KIAA1549L: variants seen among roughly 807,000 people sequenced by gnomAD.
KIAA1549L encodes KIAA1549 like.
Under a neutral mutation model 160.7 loss-of-function variants are expected in KIAA1549L, and 88 were observed. The ratio of observed to expected loss-of-function variants is 0.55; its 90% CI spans 0.46 to 0.65. KIAA1549L has a LOEUF of 0.65. Ranked by LOEUF, KIAA1549L falls within the 30% of genes least tolerant of loss-of-function variation. The pLI is 0.00. For synonymous variants in KIAA1549L, 950 were observed against 976.7 expected (o/e 0.97, Z 0.51); for missense variants, 2,258 against 2,437.5 (o/e 0.93, Z 1.55).
At position 33,583,440 on chromosome 11, in the gene KIAA1549L, G is replaced by T; in HGVS notation, c.4505G>T (p.Cys1502Phe). The T allele has an allele frequency of 6.3e-7, 1 of 1,592,376 alleles. No homozygotes were observed. Among genetic ancestry groups the T allele is most frequent in the African/African-American group, 1.3e-5 (1 of 74,714 alleles). The change falls in exon 11 of 21, where the codon TGC (cysteine) becomes TTC (phenylalanine). Residue 1502 changes from cysteine to phenylalanine, a missense_variant. Physicochemically the swap from Cys to Phe is radical, Grantham distance 205 (BLOSUM62 -2). Coordinates refer to ENST00000658780, the MANE Select transcript of KIAA1549L (RefSeq NM_012194.3). ...ATCATCATCATCACTGCCGTGCTCT[G>T]CAGGAAGAACAAGAACGACTTCAAG... ...VIIIIITAVLCRKNKNDFKPD... is the reference protein window; with the variant it reads ...VIIIIITAVLFRKNKNDFKPD...
intron 1 of KIAA1549L, among the ~76,000 whole-genome samples, chr11:33,434,762 T>C (rs1251705273): frequency 6.6e-6 from 1 of 152,230 alleles, no homozygotes; most frequent in Admixed American, 6.5e-5. Flanking sequence ...AGGGGCCAAA[T>C]GTAGCAACTT....
At chr11:33,637,508 G>A (rs542998171) in intron 16 of KIAA1549L, among the ~76,000 whole-genome samples, 33 of 152,262 alleles carry the variant, frequency 2.2e-4, no homozygotes, top group African/African-American at 7.5e-4. Context: ...TGACAATTAG[G>A]GCTTCAGCTA....
intron 15 of KIAA1549L, among the ~76,000 whole-genome samples, chr11:33,618,243 C>T (rs552944958): frequency 6.6e-6 from 1 of 152,300 alleles, no homozygotes; most frequent in Non-Finnish European, 1.5e-5. Flanking sequence ...CTGGTCTTGC[C>T]ATCAGCAGAA....
At chr11:33,588,434 TGAGA>T (rs1186238739) in intron 11 of KIAA1549L, among the ~76,000 whole-genome samples, 1 of 152,102 alleles carries the variant, frequency 6.6e-6, no homozygotes, top group African/African-American at 2.4e-5. Flanking sequence ...ATATTTTAAA[TGAGA>T]GTGACGCAAC....
intron 16 of KIAA1549L, among the ~76,000 whole-genome samples, chr11:33,645,106 C>CT (rs535430688): frequency 4.9e-4 from 74 of 152,356 alleles, no homozygotes; most frequent in African/African-American, 1.8e-3. Context: ...TCGGAATCTC[C>CT]TGGCGGGCTT....
At chr11:33,574,091 T>C (rs1855362495) in intron 9 of KIAA1549L, among the ~76,000 whole-genome samples, 1 of 152,130 alleles carries the variant, frequency 6.6e-6, no homozygotes, top group Admixed American at 6.6e-5. Flanking sequence ...AAATACTCTA[T>C]AATGGCAACA....
chr11:33,488,242 A>C (rs946338308), intron 1 of KIAA1549L, among the ~76,000 whole-genome samples: 2 of 152,240 alleles, frequency 1.3e-5, no homozygotes, highest in African/African-American at 2.4e-5. Flanking sequence ...TGTTAATGTC[A>C]TAAGTATTTA....
At chr11:33,507,814 A>G (rs915735311) in intron 1 of KIAA1549L, among the ~76,000 whole-genome samples, 2 of 152,224 alleles carry the variant, frequency 1.3e-5, no homozygotes, top group African/African-American at 4.8e-5. Context: ...ATATTGATAT[A>G]TGACTCTGTT....
intron 1 of KIAA1549L, among the ~76,000 whole-genome samples, chr11:33,417,627 A>G (rs541918264): frequency 2.0e-5 from 3 of 152,080 alleles, no homozygotes; most frequent in Non-Finnish European, 2.9e-5. Flanking sequence ...TTTCCCTCCA[A>G]CATCTCATGG....
intron 6 of KIAA1549L, among the ~76,000 whole-genome samples, chr11:33,558,053 A>G (rs1854706945): frequency 6.6e-6 from 1 of 152,208 alleles, no homozygotes; most frequent in Admixed American, 6.5e-5. Context: ...TACACATTCT[A>G]TGCGTGTAAG....
chr11:33,662,802 G>A (rs550781542), intron 20 of KIAA1549L, among the ~76,000 whole-genome samples: 1 of 152,244 alleles, frequency 6.6e-6, no homozygotes, highest in African/African-American at 2.4e-5. Flanking sequence ...ACATCTAGAT[G>A]CCTTTGGGCT....
chr11:33,498,306 C>T (rs1206411661), intron 1 of KIAA1549L, among the ~76,000 whole-genome samples: 1 of 152,136 alleles, frequency 6.6e-6, no homozygotes, highest in African/African-American at 2.4e-5. Context: ...GAACCTGAAC[C>T]CGATGGCTGC....
At chr11:33,433,165 G>A (rs1312840812) in intron 1 of KIAA1549L, among the ~76,000 whole-genome samples, 1 of 152,116 alleles carries the variant, frequency 6.6e-6, no homozygotes, top group African/African-American at 2.4e-5. Context: ...CTACAGAATA[G>A]GATAAAATTT....
At chr11:33,658,431 G>T (rs1852143738) in intron 18 of KIAA1549L, among the ~76,000 whole-genome samples, 1 of 152,128 alleles carries the variant, frequency 6.6e-6, no homozygotes, top group South Asian at 2.1e-4. Flanking sequence ...AAGGCTAATT[G>T]CTTTTCTTAT....
intron 8 of KIAA1549L, among the ~76,000 whole-genome samples, chr11:33,563,788 A>G (rs7105728): frequency 0.035 from 5,404 of 152,280 alleles, 334 homozygotes; most frequent in African/African-American, 0.12. Context: ...TTTTCTTTAC[A>G]AGGAATGGTG....
intron 1 of KIAA1549L, among the ~76,000 whole-genome samples, chr11:33,379,352 T>C (rs1850026714): frequency 6.6e-6 from 1 of 152,140 alleles, no homozygotes; most frequent in South Asian, 2.1e-4. Context: ...CTTTTCCACA[T>C]AAAGAAAAGG....
At chr11:33,528,324 TAAG>T (rs1853661260) in intron 1 of KIAA1549L, among the ~76,000 whole-genome samples, 1 of 151,960 alleles carries the variant, frequency 6.6e-6, no homozygotes, top group African/African-American at 2.4e-5. Context: ...AATCAAAACA[TAAG>T]AAATGTTGGT....
intron 12 of KIAA1549L, 25 bp downstream of exon 12, chr11:33,591,446 T>C (rs1372187492): frequency 1.3e-6 from 2 of 1,555,624 alleles, no homozygotes; most frequent in South Asian, 2.3e-5. Context: ...GACTTCTGCC[T>C]CTCTGTGTCA....
chr11:33,609,867 C>G lies in KIAA1549L; in HGVS notation c.5180C>G (p.Thr1727Ser), dbSNP rs377459851. The G allele has an allele frequency of 2.3e-5, 37 of 1,613,612 alleles. No individual in the cohort carries two copies. Among genetic ancestry groups the G allele is most frequent in the Admixed American group, 6.7e-5 (4 of 59,968 alleles). Reference protein sequence around the residue: ...FPAVETSKGLTERKKMYEKAP... With the variant: ...FPAVETSKGLSERKKMYEKAP... Reference sequence around the variant, plus strand: ...GCAGTGGAGACGAGCAAGGGTCTGACCGAAAGAAAGAAGATGTATGAAAAA... The same window carrying G: ...GCAGTGGAGACGAGCAAGGGTCTGAGCGAAAGAAAGAAGATGTATGAAAAA... Residue 1727 changes from threonine (T) to serine (S), a missense_variant, in exon 15 of 21, where the codon ACC becomes AGC. Thr to Ser is a moderately conservative substitution (Grantham distance 58). Transcript: ENST00000658780.
Sources: gnomAD v4.1 joint callset for allele counts (sites outside exome capture counted in the v4.1 genomes callset) on GRCh38, gnomAD v4.1.1 for gene constraint, MANE v1.5 for transcripts, NCBI Gene and HGNC (gene_info 2026-07-23, HGNC 2026-07-21) for gene names.